Variants in WDR17 observed in about 807,000 individuals in gnomAD.
WDR17 encodes the protein WD repeat domain 17.
In WDR17, 143 loss-of-function variants were observed where a neutral mutation model predicts 161.7. That is an observed-to-expected ratio of 0.88 (90% CI 0.77 to 1.02). The LOEUF is 1.02. WDR17 is among the 50% of genes least tolerant of loss of function. The probability of loss-of-function intolerance (pLI) is 0.00; values close to 1 mark genes in which losing one functional copy is unlikely to be tolerated. For synonymous variants in WDR17, 517 were observed against 515.6 expected (o/e 1.00, Z -0.04); for missense variants, 1,469 against 1,520.9 (o/e 0.97, Z 0.57).
intron 22 of WDR17, among the ~76,000 whole-genome samples, chr4:176,164,577 A>T (rs1749491279): frequency 6.6e-6 from 1 of 152,184 alleles, no homozygotes; most frequent in Admixed American, 6.5e-5. Context: ...TAAAATCCAA[A>T]AAAGTCTGAA....
At chr4:176,150,628 A>C (rs776772559) in intron 16 of WDR17, 35 bp downstream of exon 16, 2 of 1,544,270 alleles carry the variant, frequency 1.3e-6, no homozygotes, top group South Asian at 2.6e-5. Flanking sequence ...GTACTCAAGC[A>C]AATTTTTTGC....
intron 26 of WDR17, among the ~76,000 whole-genome samples, chr4:176,176,490 G>A (rs550809499): frequency 4.0e-5 from 6 of 151,882 alleles, no homozygotes; most frequent in South Asian, 2.1e-4. Context: ...CTTTCTATAC[G>A]GTGTCCTTCA....
At chr4:176,117,655 T>G (rs1383173389) in intron 3 of WDR17, among the ~76,000 whole-genome samples, 1 of 152,114 alleles carries the variant, frequency 6.6e-6, no homozygotes, top group Non-Finnish European at 1.5e-5. Flanking sequence ...CTTTTGTCAC[T>G]GGATATACAA....
intron 9 of WDR17, among the ~76,000 whole-genome samples, 191 bp from the exon 10 acceptor site, chr4:176,139,701 A>T (rs1393237992): frequency 6.6e-6 from 1 of 152,040 alleles, no homozygotes; most frequent in Non-Finnish European, 1.5e-5. Flanking sequence ...ATCTTAAAAC[A>T]CTTTTAAATT....
intron 18 of WDR17, among the ~76,000 whole-genome samples, chr4:176,158,168 G>A (rs1748454586): frequency 6.6e-6 from 1 of 152,158 alleles, no homozygotes; most frequent in African/African-American, 2.4e-5. Context: ...TCTTCATTTA[G>A]AATATCCGCA....
chr4:176,150,305 T>C, intron 15 of WDR17, 132 bp downstream of exon 15: 1 of 1,460,446 alleles, frequency 6.8e-7, no homozygotes, highest in African/African-American at 1.4e-5. Flanking sequence ...CTGTGCACTA[T>C]AAGAAAGCAA....
intron 18 of WDR17, among the ~76,000 whole-genome samples, chr4:176,159,322 GA>G (rs1748677890): frequency 6.6e-6 from 1 of 151,026 alleles, no homozygotes; most frequent in Non-Finnish European, 1.5e-5. Flanking sequence ...TGGAGAGAGA[GA>G]GAGAGAGAGA....
chr4:176,131,012 AC>A (rs1183688956), intron 6 of WDR17, among the ~76,000 whole-genome samples: 2 of 152,260 alleles, frequency 1.3e-5, no homozygotes, highest in African/African-American at 2.4e-5. Flanking sequence ...AAACAAAAAA[AC>A]ATCTAGGAAG....
intron 4 of WDR17, among the ~76,000 whole-genome samples, chr4:176,122,369 G>A (rs550498553): frequency 2.0e-5 from 3 of 152,272 alleles, no homozygotes; most frequent in South Asian, 4.1e-4. Flanking sequence ...CTGGGGCTTA[G>A]GACTTTAACA....
chr4:176,082,264 A>G (rs1191906433), intron 1 of WDR17, among the ~76,000 whole-genome samples: 2 of 152,088 alleles, frequency 1.3e-5, no homozygotes, highest in East Asian at 1.9e-4. Flanking sequence ...AACGACACCA[A>G]TTCTGCTTGT....
intron 1 of WDR17, among the ~76,000 whole-genome samples, chr4:176,095,077 G>A (rs554939947): frequency 6.6e-6 from 1 of 152,242 alleles, no homozygotes; most frequent in Admixed American, 6.6e-5. Flanking sequence ...GGTTGGTAGA[G>A]TTGTTGGGCC....
At chr4:176,159,880 C>A in intron 18 of WDR17, 114 bp from the exon 19 acceptor site, 1 of 1,046,114 alleles carries the variant, frequency 9.6e-7, no homozygotes, top group Non-Finnish European at 1.3e-6. Context: ...AGTGGTATGC[C>A]AAAGGGCTTT....
At chr4:176,173,643 C>T (rs1233831793) in intron 25 of WDR17, among the ~76,000 whole-genome samples, 3 of 151,922 alleles carry the variant, frequency 2.0e-5, no homozygotes, top group South Asian at 4.2e-4. Context: ...CAGCCTCCCG[C>T]GTAGCTGGTA....
At chr4:176,077,001 T>A (rs1232661835) in intron 1 of WDR17, among the ~76,000 whole-genome samples, 1 of 152,108 alleles carries the variant, frequency 6.6e-6, no homozygotes, top group Non-Finnish European at 1.5e-5. Context: ...TCTTTTTTCC[T>A]GAGATGGAAC....
At chr4:176,140,380 A>G (rs34608471) in intron 10 of WDR17, among the ~76,000 whole-genome samples, 28,527 of 152,018 alleles carry the variant, frequency 0.19, 2,923 homozygotes, top group South Asian at 0.26. Flanking sequence ...AGTTGTGTAG[A>G]TGCTTTTATT....
Position 176,146,024 on chromosome 4 carries a change from C to G in WDR17, c.1559C>G (p.Thr520Arg). 6.2e-7 allele frequency: 1 copy of G among 1,613,730 alleles called. No homozygotes were observed. The highest frequency in any genetic ancestry group is 8.5e-7 in the Non-Finnish European group (1 of 1,179,804). Reference protein sequence around the residue: ...KDMIATGCEDTNVRVYYVATS... With the variant: ...KDMIATGCEDRNVRVYYVATS... ...ATGATAGCCACTGGCTGTGAAGACA[C>G]AAATGTTCGTGTTTATTATGTAGCC... The change falls in exon 12 of 29, where the codon ACA (threonine) becomes AGA (arginine). Residue 520 changes from threonine to arginine, a missense_variant. Physicochemically the swap from Thr to Arg is moderately conservative, Grantham distance 71. Transcript: ENST00000508596.
At chr4:176,082,529 A>G (rs143842045) in intron 1 of WDR17, among the ~76,000 whole-genome samples, 56 of 152,154 alleles carry the variant, frequency 3.7e-4, no homozygotes, top group African/African-American at 1.2e-3. Context: ...GGATTGAGAC[A>G]TCTTCCAGTT....
intron 8 of WDR17, among the ~76,000 whole-genome samples, chr4:176,137,220 T>G (rs1048075970): frequency 6.6e-6 from 1 of 151,590 alleles, no homozygotes; most frequent in African/African-American, 2.4e-5. Flanking sequence ...CTTTTAGAGA[T>G]GCATACTGAA....
chr4:176,163,278 T>G lies in WDR17; in HGVS notation c.2975T>G (p.Met992Arg), dbSNP rs1561204392. ...TTAGAATTACTGGCGAGAAAGTGCATGATGATTTCAGTATGGTAAGAATTT... is the reference window on the plus strand; with the variant it reads ...TTAGAATTACTGGCGAGAAAGTGCAGGATGATTTCAGTATGGTAAGAATTT... ...YALELLARKC[M>R]MISVWNLAAD... Residue 992 changes from methionine to arginine, a missense_variant, in exon 22 of 29, where the codon ATG (methionine) becomes AGG (arginine). Physicochemically the swap from Met to Arg is moderately conservative, Grantham distance 91. Coordinates refer to ENST00000508596, the MANE Select transcript of WDR17 (RefSeq NM_181265.4). 6.2e-7 allele frequency: 1 copy of G among 1,609,600 alleles called. No homozygotes were observed. Among genetic ancestry groups the G allele is most frequent in the East Asian group, 2.2e-5 (1 of 44,804 alleles).
Sources: allele counts gnomAD v4.1 joint callset (sites outside exome capture counted in the v4.1 genomes callset), GRCh38; gene constraint gnomAD v4.1.1; transcripts MANE v1.5; gene names NCBI Gene and HGNC (gene_info 2026-07-23, HGNC 2026-07-21).